Variants in KCNIP4 observed in about 807,000 individuals in gnomAD.
The protein encoded by KCNIP4 is potassium voltage-gated channel interacting protein 4, also known as Kv channel-interacting protein 4.
In KCNIP4, 12 loss-of-function variants were observed where a neutral mutation model predicts 34.0. The observed-to-expected ratio is 0.35, with a 90% CI of 0.23 to 0.57. The LOEUF (loss-of-function observed/expected upper bound fraction) is 0.57, where lower values mean the gene tolerates loss of function less well. Among genes scored for constraint, KCNIP4 ranks in the 20% least tolerant of loss-of-function variants. The pLI is 0.83. For synonymous variants in KCNIP4, 124 were observed against 102.2 expected (o/e 1.21, Z -1.29); for missense variants, 238 against 311.7 (o/e 0.76, Z 1.78).
Position 21,896,933 on chromosome 4 carries a change from TAATAAATAAATAAATA to T in KCNIP4, c.61+51622_61+51637del, listed in dbSNP as rs57096209. Among the ~76,000 whole-genome samples, 664 of 147,386 alleles carry T rather than the reference TAATAAATAAATAAATA, an allele frequency of 4.5e-3. 9 individuals carry two copies. Among genetic ancestry groups the T allele is most frequent in the African/African-American group, 0.012 (475 of 40,384 alleles). On this transcript the variant is annotated intron_variant, in intron 1 of 8. Transcript: ENST00000382152. ...ACTCTCAAAAAAATACATAAATAAA[TAATAAATAAATAAATA>T]AATAAATAAATAAATAAATAAATAT...
chr4:20,795,547 C>G (rs1713343278), intron 3 of KCNIP4, among the ~76,000 whole-genome samples: 2 of 152,134 alleles, frequency 1.3e-5, no homozygotes, highest in South Asian at 2.1e-4. Flanking sequence ...CCCAGTGACT[C>G]AAGTCAGCAT....
At chr4:21,501,244 T>TCACACACACACA (rs755377009) in intron 1 of KCNIP4, among the ~76,000 whole-genome samples, 133 of 142,526 alleles carry the variant, frequency 9.3e-4, no homozygotes, top group African/African-American at 3.5e-3. Context: ...TCTCTCTCTC[T>TCACACACACACA]CTCTCACACA....
At chr4:21,538,937 C>A (rs1451809899) in intron 1 of KCNIP4, among the ~76,000 whole-genome samples, 1 of 152,104 alleles carries the variant, frequency 6.6e-6, no homozygotes, top group African/African-American at 2.4e-5. Flanking sequence ...AAGGGAGAGA[C>A]CTGGTGGGAA....
At chr4:21,697,316 TAAAA>T (rs537856921) in intron 1 of KCNIP4, 39,205 of 1,183,718 alleles carry the variant, frequency 0.033, no homozygotes, top group Non-Finnish European at 0.034. Context: ...TAGCCTCTAC[TAAAA>T]AAAAAAAAAA....
chr4:20,921,373 T>C (rs923254040), intron 1 of KCNIP4, among the ~76,000 whole-genome samples: 1 of 152,216 alleles, frequency 6.6e-6, no homozygotes, highest in African/African-American at 2.4e-5. Flanking sequence ...ACTGTTAATA[T>C]GTGTTTAAAA....
chr4:21,205,431 A>T (rs1045484842), intron 1 of KCNIP4, among the ~76,000 whole-genome samples: 1 of 152,184 alleles, frequency 6.6e-6, no homozygotes, highest in Admixed American at 6.5e-5. Flanking sequence ...GGTGTATGCC[A>T]AATGCCATGC....
intron 1 of KCNIP4, among the ~76,000 whole-genome samples, chr4:21,203,100 T>G (rs748214207): frequency 1.3e-5 from 2 of 152,212 alleles, no homozygotes; most frequent in African/African-American, 4.8e-5. Context: ...CCATTCAGAG[T>G]TGGACTCAGG....
At chr4:21,170,801 C>A (rs980639712) in intron 1 of KCNIP4, among the ~76,000 whole-genome samples, 10 of 152,106 alleles carry the variant, frequency 6.6e-5, no homozygotes, top group African/African-American at 2.4e-4. Flanking sequence ...AGCTGAATTA[C>A]ATTTTTGTAT....
chr4:21,026,748 T>C (rs1740589297), intron 1 of KCNIP4, among the ~76,000 whole-genome samples: 1 of 152,238 alleles, frequency 6.6e-6, no homozygotes, highest in Admixed American at 6.5e-5. Context: ...TATAGCCTTC[T>C]TTTTCCTGCA....
intron 1 of KCNIP4, among the ~76,000 whole-genome samples, chr4:20,981,116 G>A (rs1736025456): frequency 6.6e-6 from 1 of 152,052 alleles, no homozygotes; most frequent in African/African-American, 2.4e-5. Flanking sequence ...CCTTCTCATT[G>A]GACTTCATCC....
chr4:21,122,752 T>C (rs1186640430), intron 1 of KCNIP4, among the ~76,000 whole-genome samples: 1 of 152,196 alleles, frequency 6.6e-6, no homozygotes, highest in African/African-American at 2.4e-5. Context: ...GCATACCCTC[T>C]AGTACTTTCA....
At chr4:21,760,938 G>A (rs553199568) in intron 1 of KCNIP4, among the ~76,000 whole-genome samples, 2 of 152,184 alleles carry the variant, frequency 1.3e-5, no homozygotes, top group African/African-American at 2.4e-5. Flanking sequence ...TACATGGCAG[G>A]CACTGTTCTA....
At chr4:21,827,460 GT>G (rs1270214055) in intron 1 of KCNIP4, among the ~76,000 whole-genome samples, 3 of 151,978 alleles carry the variant, frequency 2.0e-5, no homozygotes, top group Non-Finnish European at 2.9e-5. Context: ...AATTTCTAAT[GT>G]ACTGATCTGT....
intron 1 of KCNIP4, among the ~76,000 whole-genome samples, chr4:21,661,375 C>T (rs865856355): frequency 7.9e-5 from 12 of 152,232 alleles, no homozygotes; most frequent in Middle Eastern, 6.8e-3. Flanking sequence ...AACACTTAAG[C>T]CATTCTTGGA....
chr4:20,925,508 C>G lies in KCNIP4; in HGVS notation c.62-42799G>C, dbSNP rs138743891. Among the ~76,000 whole-genome samples the G allele has an allele frequency of 4.3e-3, 653 of 152,288 alleles. 3 individuals are homozygous for G. The highest frequency in any genetic ancestry group is 0.015 in the African/African-American group (622 of 41,562). On this transcript the variant is annotated intron_variant, in intron 1 of 8. Coordinates refer to ENST00000382152, the MANE Select transcript of KCNIP4 (RefSeq NM_025221.6). ...AAAACAAGAAGCATGAATAATCCACCTCTTGTTTAGCATATAATCAAGAAA... is the reference window on the plus strand; with the variant it reads ...AAAACAAGAAGCATGAATAATCCACGTCTTGTTTAGCATATAATCAAGAAA...
intron 1 of KCNIP4, among the ~76,000 whole-genome samples, chr4:21,116,067 G>A (rs185670758): frequency 1.3e-5 from 2 of 152,278 alleles, no homozygotes; most frequent in East Asian, 3.9e-4. Flanking sequence ...CTTTACACCA[G>A]CAAAGAAAAA....
intron 1 of KCNIP4, among the ~76,000 whole-genome samples, chr4:21,202,142 T>C (rs1346778172): frequency 6.6e-6 from 1 of 152,150 alleles, no homozygotes; most frequent in Non-Finnish European, 1.5e-5. Flanking sequence ...AAACAAATAA[T>C]TCTATCAAAA....
chr4:21,020,735 T>C (rs1269967841), intron 1 of KCNIP4, among the ~76,000 whole-genome samples: 1 of 152,176 alleles, frequency 6.6e-6, no homozygotes, highest in Admixed American at 6.6e-5. Flanking sequence ...GGAACTATTA[T>C]CATGATTCAC....
rs966086466 is a variant in KCNIP4 at position 20,973,458 on chromosome 4, C to T, written c.62-90749G>A. 5.3e-5 allele frequency among the ~76,000 whole-genome samples: 8 copies of T among 152,266 alleles called. No individual in the cohort carries two copies. The East Asian group carries it at 1.5e-3, about 29-fold the overall frequency. Reference sequence around the variant, plus strand: ...GGAAGGTTGTGGCTGGTTTGATATTCTATTCAGATCCCTAAAACTTTCTCC... The same window carrying T: ...GGAAGGTTGTGGCTGGTTTGATATTTTATTCAGATCCCTAAAACTTTCTCC... On this transcript the variant is annotated intron_variant, in intron 1 of 8. Transcript: ENST00000382152.
Sources: allele counts gnomAD v4.1 joint callset (sites outside exome capture counted in the v4.1 genomes callset), GRCh38; gene constraint gnomAD v4.1.1; transcripts MANE v1.5; gene names NCBI Gene and HGNC (gene_info 2026-07-23, HGNC 2026-07-21).